The following ITGA9 variants were observed in gnomAD, a reference collection of about 807,000 sequenced individuals.
ITGA9 encodes the protein integrin subunit alpha 9.
A neutral mutation model predicts 127.8 loss-of-function variants in ITGA9; 56 were observed. The observed-to-expected ratio is 0.44, with a 90% CI of 0.35 to 0.55. ITGA9 has a LOEUF of 0.55. Ranked by LOEUF, ITGA9 falls within the 20% of genes least tolerant of loss-of-function variation. The pLI is 0.00. For synonymous variants in ITGA9, 508 were observed against 514.5 expected, an observed-to-expected ratio of 0.99 and a Z score of 0.17; for missense variants, 1,196 against 1,347.1, an observed-to-expected ratio of 0.89 and a Z score of 1.76.
chr3:37,782,933 T>A (rs1376138977), intron 25 of ITGA9, among the ~76,000 whole-genome samples: 2 of 152,158 alleles, frequency 1.3e-5, no homozygotes, highest in African/African-American at 2.4e-5. Flanking sequence ...AGGTCAGGAA[T>A]TCAAGACCAG....
chr3:37,807,415 A>C (rs952041922), intron 27 of ITGA9: 7 of 152,260 alleles, frequency 4.6e-5, no homozygotes, highest in Non-Finnish European at 8.8e-5. Context: ...GGGAAGGAAG[A>C]GGTGGGAAAA....
At chr3:37,789,154 A>C (rs1697075635) in intron 26 of ITGA9, among the ~76,000 whole-genome samples, 1 of 152,176 alleles carries the variant, frequency 6.6e-6, no homozygotes, top group South Asian at 2.1e-4. Context: ...CTAACAAGAA[A>C]ATGTCAGCCT....
intron 16 of ITGA9, among the ~76,000 whole-genome samples, chr3:37,631,039 C>T (rs962878991): frequency 6.6e-6 from 1 of 152,164 alleles, no homozygotes; most frequent in African/African-American, 2.4e-5. Context: ...CCTGGGGACA[C>T]AGTAAAGCAT....
chr3:37,490,334 A>G (rs548162974), intron 4 of ITGA9, among the ~76,000 whole-genome samples: 38 of 152,352 alleles, frequency 2.5e-4, no homozygotes, highest in African/African-American at 8.9e-4. Flanking sequence ...ACATATTGAC[A>G]TACTGATTCT....
chr3:37,488,202 C>T (rs548857640), intron 4 of ITGA9, among the ~76,000 whole-genome samples: 1 of 152,342 alleles, frequency 6.6e-6, no homozygotes, highest in Admixed American at 6.5e-5. Context: ...GCCAGGACAA[C>T]AGGCCTGAGC....
At chr3:37,700,686 A>G (rs1475694560) in intron 18 of ITGA9, among the ~76,000 whole-genome samples, 1 of 152,200 alleles carries the variant, frequency 6.6e-6, no homozygotes, top group Non-Finnish European at 1.5e-5. Flanking sequence ...ATACCTAGTA[A>G]CTGCAGCAGT....
At chr3:37,658,369 CTGTATTGGGTGCATATATAT>C (rs1700498518) in intron 17 of ITGA9, among the ~76,000 whole-genome samples, 1 of 152,132 alleles carries the variant, frequency 6.6e-6, no homozygotes, top group South Asian at 2.1e-4. Context: ...CTGTGTGCTC[CTGTATTGGGTGCATATATAT>C]TGATGATAGT....
At chr3:37,566,181 C>T (rs1442999696) in intron 15 of ITGA9, among the ~76,000 whole-genome samples, 1 of 152,196 alleles carries the variant, frequency 6.6e-6, no homozygotes, top group Non-Finnish European at 1.5e-5. Context: ...GGAATACATT[C>T]TAAGACCCCT....
chr3:37,596,855 G>A (rs1037031445), intron 15 of ITGA9, among the ~76,000 whole-genome samples: 7 of 152,174 alleles, frequency 4.6e-5, no homozygotes, highest in East Asian at 1.9e-4. Context: ...GGAGGTCAGC[G>A]TGCAATGCCA....
intron 18 of ITGA9, among the ~76,000 whole-genome samples, chr3:37,730,156 T>G (rs533650904): frequency 2.6e-4 from 40 of 152,114 alleles, no homozygotes; most frequent in African/African-American, 9.2e-4. Context: ...ATGTGTGAGA[T>G]ACACACACAC....
intron 15 of ITGA9, among the ~76,000 whole-genome samples, chr3:37,606,125 A>G (rs1399930213): frequency 1.3e-5 from 2 of 152,224 alleles, no homozygotes; most frequent in Non-Finnish European, 2.9e-5. Context: ...CATAAGTCTT[A>G]TATGGCTTTG....
At chr3:37,650,759 A>G (rs1447444736) in intron 16 of ITGA9, among the ~76,000 whole-genome samples, 2 of 152,204 alleles carry the variant, frequency 1.3e-5, no homozygotes, top group East Asian at 1.9e-4. Context: ...CCCACCATCC[A>G]TTAATTAAGC....
chr3:37,471,910 T>C (rs1698435550), intron 2 of ITGA9, among the ~76,000 whole-genome samples: 1 of 151,938 alleles, frequency 6.6e-6, no homozygotes, highest in Non-Finnish European at 1.5e-5. Flanking sequence ...AAATATTAGC[T>C]GAACGTGGTG....
intron 15 of ITGA9, among the ~76,000 whole-genome samples, chr3:37,578,566 G>A (rs746858802): frequency 6.6e-5 from 10 of 152,218 alleles, no homozygotes; most frequent in Middle Eastern, 3.4e-3. Flanking sequence ...GTGGTCCCTC[G>A]GCTTCAACAG....
intron 17 of ITGA9, among the ~76,000 whole-genome samples, chr3:37,662,111 A>G (rs1475448589): frequency 6.6e-6 from 1 of 152,158 alleles, no homozygotes; most frequent in Non-Finnish European, 1.5e-5. Context: ...TAACAAGAAT[A>G]CAGCCAGGGG....
chr3:37,738,029 A>T (rs188878719), intron 20 of ITGA9, among the ~76,000 whole-genome samples: 72 of 152,330 alleles, frequency 4.7e-4, no homozygotes, highest in African/African-American at 1.6e-3. Context: ...TTGAACATTG[A>T]CACTATGCTA....
At chr3:37,731,984 C>T (rs2251878) in intron 18 of ITGA9, among the ~76,000 whole-genome samples, 4,601 of 152,266 alleles carry the variant, frequency 0.03, 115 homozygotes, top group Non-Finnish European at 0.047. Context: ...AATCTGTAAA[C>T]ATACTGTTTC....
intron 14 of ITGA9, among the ~76,000 whole-genome samples, chr3:37,534,329 G>A (rs1699187755): frequency 6.6e-6 from 1 of 152,228 alleles, no homozygotes; most frequent in Non-Finnish European, 1.5e-5. Context: ...TACTCACAGT[G>A]TAGCCCCTGG....
chr3:37,551,712 C>T (rs1190077060), intron 15 of ITGA9, among the ~76,000 whole-genome samples: 2 of 152,346 alleles, frequency 1.3e-5, no homozygotes, highest in African/African-American at 2.4e-5. Context: ...TGGAATCACT[C>T]TTTGAGTAGT....
Sources: gnomAD v4.1 joint callset for allele counts (sites outside exome capture counted in the v4.1 genomes callset) on GRCh38, gnomAD v4.1.1 for gene constraint, MANE v1.5 for transcripts, NCBI Gene and HGNC (gene_info 2026-07-23, HGNC 2026-07-21) for gene names.